The following DRAM1 variants were observed in gnomAD, a reference collection of about 807,000 sequenced individuals.
DRAM1 encodes DNA damage regulated autophagy modulator 1.
Under a neutral mutation model 28.5 loss-of-function variants are expected in DRAM1, and 25 were observed. The ratio of observed to expected loss-of-function variants is 0.88; its 90% CI spans 0.64 to 1.23. DRAM1 has a LOEUF of 1.23. DRAM1 is among the 50% of genes most tolerant of loss of function. The pLI is 0.00. For missense variants in DRAM1, 249 were observed against 299.2 expected, an observed-to-expected ratio of 0.83 and a Z score of 1.24; for synonymous variants, 113 against 114.2, an observed-to-expected ratio of 0.99 and a Z score of 0.07.
intron 1 of DRAM1, among the ~76,000 whole-genome samples, chr12:101,880,481 G>A (rs1291843119): frequency 6.6e-6 from 1 of 151,602 alleles, no homozygotes; most frequent in Non-Finnish European, 1.5e-5. Context: ...TAGAGACGGG[G>A]TTTCACCATG....
chr12:101,901,493 C>T, intron 3 of DRAM1, 60 bp downstream of exon 3: 1 of 1,565,222 alleles, frequency 6.4e-7, no homozygotes. Flanking sequence ...CTGAAGAGAG[C>T]AGCAGAAATG....
In DRAM1 at chr12:101,923,482, A is replaced by C. The variant is rs550529228; in HGVS notation, c.*2222A>C. 3.6e-4 allele frequency: 55 copies of C among 152,358 alleles called. No individual in the cohort carries two copies. Among genetic ancestry groups the C allele is most frequent in the African/African-American group, 1.2e-3 (49 of 41,582 alleles). The allele number at this position is 152,358 out of a possible 1,614,324, so 9.4% of individuals were successfully genotyped here. On this transcript the variant is annotated 3_prime_UTR_variant, in exon 7 of 7. Transcript: ENST00000258534. ...CCTGGTACACTGTAGGAGCTTAAGA[A>C]ATACTCACTGAATGCATGAATGAAT...
intron 5 of DRAM1, 61 bp from the exon 6 acceptor site, chr12:101,920,048 C>A: frequency 8.5e-7 from 1 of 1,181,830 alleles, no homozygotes; most frequent in South Asian, 1.6e-5. Context: ...CATTGTATTT[C>A]AGTATGTACA....
intron 5 of DRAM1, among the ~76,000 whole-genome samples, chr12:101,917,710 A>AAAAG: frequency 8.8e-5 from 13 of 147,966 alleles, no homozygotes; most frequent in African/African-American, 3.0e-4. Context: ...AAAAAAAAAA[A>AAAAG]GCCTTCTTTA....
chr12:101,879,011 T>C (rs569098631), intron 1 of DRAM1, among the ~76,000 whole-genome samples: 1 of 152,254 alleles, frequency 6.6e-6, no homozygotes, highest in Non-Finnish European at 1.5e-5. Context: ...TTTTATTTTT[T>C]TGAGACAGAG....
intron 3 of DRAM1, among the ~76,000 whole-genome samples, chr12:101,902,195 T>G (rs1566126452): frequency 6.6e-6 from 1 of 152,182 alleles, no homozygotes; most frequent in Non-Finnish European, 1.5e-5. Flanking sequence ...TTTATTGAAA[T>G]TTTCCTGTGA....
rs1460507566 is a variant in DRAM1 at position 101,922,424 on chromosome 12, C to T, written c.*1164C>T. 2.6e-5 allele frequency: 4 copies of T among 152,278 alleles called. No individual in the cohort carries two copies. Among genetic ancestry groups the T allele is most frequent in the East Asian group, 3.8e-4 (2 of 5,202 alleles). 9.4% of individuals were successfully genotyped at this position (152,278 alleles called of 1,614,324 possible). A position where few individuals can be genotyped will look rare whatever the true frequency, so the allele number is the denominator to read the frequency against. On this transcript the variant is annotated 3_prime_UTR_variant, in exon 7 of 7. Transcript: ENST00000258534. ...TCTCTTTCAAATCCTAGAGCATAAA[C>T]CCATGTGTGGCCAAGTGAGATCAGC...
intron 6 of DRAM1, 122 bp downstream of exon 6, chr12:101,920,323 G>T: frequency 3.5e-6 from 1 of 289,352 alleles, no homozygotes; most frequent in Non-Finnish European, 5.1e-6. Context: ...TTTTGAGACG[G>T]AGTCTCGCTC....
intron 5 of DRAM1, among the ~76,000 whole-genome samples, chr12:101,917,386 G>C (rs552106179): frequency 6.6e-6 from 1 of 152,140 alleles, no homozygotes; most frequent in Non-Finnish European, 1.5e-5. Context: ...ATCCAGACAG[G>C]AGATCAAAAA....
intron 2 of DRAM1, among the ~76,000 whole-genome samples, chr12:101,901,081 GTGTGTGTGT>G (rs1566126042): frequency 0.031 from 24 of 784 alleles, no homozygotes; most frequent in African/African-American, 0.053. Flanking sequence ...GCCAAGGGGT[GTGTGTGTGT>G]GTGTGTGTGT....
At position 101,877,728 on chromosome 12, in the gene DRAM1, C is replaced by A; in HGVS notation, c.-62C>A. 10 of 1,309,918 alleles carry A rather than the reference C, an allele frequency of 7.6e-6. No individual in the cohort carries two copies. Among genetic ancestry groups the A allele is most frequent in the South Asian group, 4.1e-5 (2 of 49,140 alleles). 81.1% of individuals were successfully genotyped at this position (1,309,918 alleles called of 1,614,324 possible). ...GCCCGGCCGCCGCCTCCAGGCAGCCCGGAGCAACCCGGCGCCCGGCCCCGC... is the reference window on the plus strand; with the variant it reads ...GCCCGGCCGCCGCCTCCAGGCAGCCAGGAGCAACCCGGCGCCCGGCCCCGC... On this transcript the variant is annotated 5_prime_UTR_variant, in exon 1 of 7. Coordinates refer to ENST00000258534, the MANE Select transcript of DRAM1 (RefSeq NM_018370.3). The surrounding 1 kb of genome is among the most constrained non-coding windows in gnomAD (Gnocchi z 4.1).
intron 1 of DRAM1, among the ~76,000 whole-genome samples, chr12:101,882,640 A>T: frequency 6.6e-6 from 1 of 151,272 alleles, no homozygotes; most frequent in South Asian, 2.2e-4. Context: ...AAACTCACTG[A>T]TGCCAGTTGT....
intron 1 of DRAM1, among the ~76,000 whole-genome samples, chr12:101,881,099 C>CT (rs1483169415): frequency 6.6e-6 from 1 of 152,114 alleles, no homozygotes; most frequent in African/African-American, 2.4e-5. Context: ...GAGAAGAAGG[C>CT]TGGGTGCAGT....
rs886626975 is a variant in DRAM1, at chr12:101,915,089, C to T, written c.579+857C>T. 3.3e-5 allele frequency among the ~76,000 whole-genome samples: 5 copies of T among 151,458 alleles called. No individual in the cohort carries two copies. The South Asian group carries it at 1.0e-3, about 32-fold the overall frequency. ...CTGCCTCCCGGGTTCATGCCATTCT[C>T]CTGCCTCAGCCTCCTGAGTAGCTGG... On this transcript the variant is annotated intron_variant, in intron 5 of 6. Coordinates refer to ENST00000258534, the MANE Select transcript of DRAM1 (RefSeq NM_018370.3).
Position 101,920,738 on chromosome 12 carries a change from C to G in DRAM1, c.673-478C>G, listed in dbSNP as rs7316061. Among the ~76,000 whole-genome samples the G allele has an allele frequency of 5.9e-3, 890 of 152,064 alleles. 6 individuals are homozygous for G. Among genetic ancestry groups the G allele is most frequent in the Middle Eastern group, 0.01 (3 of 294 alleles). ...ACCAGCCTGACCAACATGGAGAAACCCCGTCTCTACTAAAAATACAAAATT... is the reference window on the plus strand; with the variant it reads ...ACCAGCCTGACCAACATGGAGAAACGCCGTCTCTACTAAAAATACAAAATT... On this transcript the variant is annotated intron_variant, in intron 6 of 6. Coordinates refer to ENST00000258534, the MANE Select transcript of DRAM1 (RefSeq NM_018370.3).
At chr12:101,917,389 A>T (rs1594313751) in intron 5 of DRAM1, among the ~76,000 whole-genome samples, 1 of 152,302 alleles carries the variant, frequency 6.6e-6, no homozygotes, top group Middle Eastern at 3.4e-3. Context: ...CAGACAGGAG[A>T]TCAAAAAGTG....
intron 5 of DRAM1, among the ~76,000 whole-genome samples, chr12:101,918,791 C>T (rs898151857): frequency 6.6e-6 from 1 of 152,144 alleles, no homozygotes; most frequent in East Asian, 1.9e-4. Context: ...CTCATTTCAG[C>T]AGAGCAGAAA....
At chr12:101,898,853 C>T (rs1375892586) in intron 2 of DRAM1, among the ~76,000 whole-genome samples, 1 of 152,172 alleles carries the variant, frequency 6.6e-6, no homozygotes, top group Non-Finnish European at 1.5e-5. Flanking sequence ...ACCTAAGATG[C>T]AGATGATAGG....
rs1187036748 is a variant in DRAM1 at position 101,897,860 on chromosome 12, C to A, written c.132-3C>A. 1.9e-6 allele frequency: 3 copies of A among 1,605,458 alleles called. No homozygotes were observed. The highest frequency in any genetic ancestry group is 2.7e-5 in the African/African-American group (2 of 74,760). On this transcript the variant is annotated splice_polypyrimidine_tract_variant and splice_region_variant and intron_variant, in intron 1 of 6. Transcript: ENST00000258534. ...TAATTTGGACATTTCTTCCCTTTGC[C>A]AGTGATACGGGAACAACACCTCCAG...
Sources: gnomAD v4.1 joint callset for allele counts (sites outside exome capture counted in the v4.1 genomes callset) on GRCh38, gnomAD v4.1.1 for gene constraint, Gnocchi (gnomAD v3.1) non-coding constraint, MANE v1.5 for transcripts, NCBI Gene and HGNC (gene_info 2026-07-23, HGNC 2026-07-21) for gene names.